DCAF6: variants seen among roughly 807,000 people sequenced by gnomAD.
DCAF6 encodes DDB1- and CUL4-associated factor 6.
A neutral mutation model predicts 125.1 loss-of-function variants in DCAF6; 54 were observed. The observed-to-expected ratio is 0.43, with a 90% CI of 0.35 to 0.54. The LOEUF is 0.54. Among genes scored for constraint, DCAF6 ranks in the 20% least tolerant of loss-of-function variants. The pLI is 0.01. For missense variants in DCAF6, 934 were observed against 1,161.7 expected, an observed-to-expected ratio of 0.80 and a Z score of 2.85; for synonymous variants, 371 against 390.4, an observed-to-expected ratio of 0.95 and a Z score of 0.58.
intron 1 of DCAF6, among the ~76,000 whole-genome samples, chr1:167,945,237 TG>T (rs1672882543): frequency 6.6e-6 from 1 of 152,318 alleles, no homozygotes; most frequent in African/African-American, 2.4e-5. Context: ...ATTTTAGGAT[TG>T]TTTTTTCTAA....
intron 16 of DCAF6, among the ~76,000 whole-genome samples, chr1:168,049,907 A>G (rs887486895): frequency 2.7e-5 from 4 of 149,838 alleles, no homozygotes; most frequent in African/African-American, 9.8e-5. Flanking sequence ...CGCCTGCCTC[A>G]GCCTCCCAAA....
At chr1:168,045,602 A>C (rs1161511553) in intron 16 of DCAF6, among the ~76,000 whole-genome samples, 1 of 152,084 alleles carries the variant, frequency 6.6e-6, no homozygotes, top group African/African-American at 2.4e-5. Flanking sequence ...TTTTGGTTTT[A>C]ATGTTAATTT....
chr1:167,876,492 G>A, the DCAF6 span, among the ~76,000 whole-genome samples: 1 of 152,070 alleles, frequency 6.6e-6, no homozygotes, highest in Non-Finnish European at 1.5e-5. Context: ...ACTTTGTTAT[G>A]CCTCTCTTAT....
the DCAF6 span, among the ~76,000 whole-genome samples, chr1:167,912,891 G>A: frequency 6.6e-6 from 1 of 152,210 alleles, no homozygotes; most frequent in Non-Finnish European, 1.5e-5. Context: ...AAGCACAGAG[G>A]TATTAACTTG....
intron 1 of DCAF6, among the ~76,000 whole-genome samples, chr1:167,942,759 T>G (rs918049312): frequency 6.6e-6 from 1 of 152,224 alleles, no homozygotes; most frequent in Non-Finnish European, 1.5e-5. Flanking sequence ...AATGTGCAAT[T>G]GATCTAACAG....
the DCAF6 span, among the ~76,000 whole-genome samples, chr1:167,887,588 T>C: frequency 1.3e-5 from 2 of 152,020 alleles, no homozygotes; most frequent in Non-Finnish European, 2.9e-5. Flanking sequence ...GAGATATACC[T>C]AATGTAAAAG....
In DCAF6 at chr1:168,043,122, G is replaced by A. The variant is rs1464297896; in HGVS notation, c.1825G>A (p.Glu609Lys). The change falls in exon 14 of 22, where the codon GAA becomes AAA. Residue 609 changes from glutamate to lysine, a missense_variant. This residue lies in a region of DCAF6 where 559 missense variants were observed against 635.5 expected (regional missense o/e 0.88). Transcript: ENST00000367840. ...FVPQSSVQPP[E>K]GDSETKAPEE... The stretch of plus-strand genomic sequence containing the variant: ...CCCACAGAGCTCAGTGCAACCACCA[G>A]AAGGAGACAGTGAAACAAGTAAGGT... 3 of 1,612,464 alleles carry A rather than the reference G, an allele frequency of 1.9e-6. No homozygotes were observed. Among genetic ancestry groups the A allele is most frequent in the Non-Finnish European group, 2.5e-6 (3 of 1,179,072 alleles).
At chr1:167,970,047 G>A (rs1207607978) in intron 3 of DCAF6, among the ~76,000 whole-genome samples, 1 of 152,144 alleles carries the variant, frequency 6.6e-6, no homozygotes, top group Admixed American at 6.5e-5. Context: ...AAAGTGCTGG[G>A]GATTACAGGC....
chr1:167,895,251 A>G, the DCAF6 span, among the ~76,000 whole-genome samples: 1 of 151,682 alleles, frequency 6.6e-6, no homozygotes, highest in Non-Finnish European at 1.5e-5. Context: ...GAAACCCTTT[A>G]TAGAAGGTAC....
At chr1:167,997,507 A>AT (rs151091097) in intron 7 of DCAF6, among the ~76,000 whole-genome samples, 6,825 of 151,158 alleles carry the variant, frequency 0.045, 534 homozygotes, top group African/African-American at 0.16. Context: ...ATTTATGGGG[A>AT]TTTTTTTTTC....
intron 4 of DCAF6, among the ~76,000 whole-genome samples, 174 bp from the exon 5 acceptor site, chr1:167,987,321 A>G (rs927861653): frequency 6.6e-6 from 1 of 152,144 alleles, no homozygotes; most frequent in Non-Finnish European, 1.5e-5. Flanking sequence ...CTTCTTATCT[A>G]TTTCTATCTG....
intron 21 of DCAF6, 89 bp from the exon 22 acceptor site, chr1:168,075,282 T>A (rs1462953271): frequency 2.5e-6 from 3 of 1,219,992 alleles, no homozygotes; most frequent in Non-Finnish European, 3.4e-6. Flanking sequence ...TGATTTTTAA[T>A]GCGTTTTAAA....
intron 4 of DCAF6, among the ~76,000 whole-genome samples, chr1:167,982,036 T>C (rs1405041375): frequency 3.3e-5 from 5 of 152,196 alleles, no homozygotes; most frequent in Non-Finnish European, 7.3e-5. Context: ...CCAGCAACTT[T>C]TGTTTCTTGA....
At chr1:167,919,929 C>T in the DCAF6 span, 2 of 1,382,656 alleles carry the variant, frequency 1.4e-6, no homozygotes. Context: ...AAATTAGTGC[C>T]ATCTAAGTAG....
At chr1:167,863,944 G>A in the DCAF6 span, among the ~76,000 whole-genome samples, 59 of 151,990 alleles carry the variant, frequency 3.9e-4, 1 homozygote, top group Admixed American at 2.8e-3. Context: ...GACTTGGTTT[G>A]AATTACTTGA....
At chr1:167,910,029 C>T in the DCAF6 span, among the ~76,000 whole-genome samples, 1 of 152,158 alleles carries the variant, frequency 6.6e-6, no homozygotes. Context: ...CACGTGGAAC[C>T]CCTCACAGCT....
At chr1:167,953,515 A>G (rs1211137668) in intron 2 of DCAF6, among the ~76,000 whole-genome samples, 1 of 152,254 alleles carries the variant, frequency 6.6e-6, no homozygotes, top group Non-Finnish European at 1.5e-5. Flanking sequence ...TTTTAAATTT[A>G]CTATCAACAG....
the DCAF6 span, among the ~76,000 whole-genome samples, chr1:167,900,733 T>C: frequency 1.3e-5 from 2 of 152,298 alleles, no homozygotes; most frequent in South Asian, 4.1e-4. Context: ...GGTTTCACCA[T>C]GTTGGTCAGG....
At chr1:167,936,654 G>A, upstream of DCAF6, 1 of 416,386 alleles carries the variant, frequency 2.4e-6, no homozygotes, top group South Asian at 3.0e-5. Flanking sequence ...TTGGAGGGGG[G>A]CTGAGGGAGG....
Sources: gnomAD v4.1 joint callset for allele counts (sites outside exome capture counted in the v4.1 genomes callset) on GRCh38, gnomAD v4.1.1 for gene constraint, gnomAD v4.1.1 regional missense constraint, MANE v1.5 for transcripts, NCBI Gene and HGNC (gene_info 2026-07-23, HGNC 2026-07-21) for gene names.